Variants in PHTF2 observed in about 807,000 individuals in gnomAD.
The protein encoded by PHTF2 is protein PHTF2.
A neutral mutation model predicts 101.2 loss-of-function variants in PHTF2; 60 were observed. The ratio of observed to expected loss-of-function variants is 0.59; its 90% CI spans 0.48 to 0.73. PHTF2 has a LOEUF of 0.73. Among genes scored for constraint, PHTF2 ranks in the 30% least tolerant of loss-of-function variants. The probability of loss-of-function intolerance (pLI) is 0.00; values close to 1 mark genes in which losing one functional copy is unlikely to be tolerated. For missense variants in PHTF2, 747 were observed against 908.7 expected, an observed-to-expected ratio of 0.82 and a Z score of 2.29; for synonymous variants, 311 against 307.3, an observed-to-expected ratio of 1.01 and a Z score of -0.13.
intron 1 of PHTF2, among the ~76,000 whole-genome samples, chr7:77,805,075 A>T (rs2150467386): frequency 6.6e-6 from 1 of 152,336 alleles, no homozygotes; most frequent in South Asian, 2.1e-4. Flanking sequence ...GGAGGATTTT[A>T]ACTGCAAATT....
chr7:77,807,316 A>G (rs529335187), intron 1 of PHTF2, among the ~76,000 whole-genome samples: 2 of 151,974 alleles, frequency 1.3e-5, no homozygotes, highest in South Asian at 2.1e-4. Context: ...TTACAGTTGC[A>G]CCAACAGTGC....
At chr7:77,814,748 G>A (rs1793721162) in intron 1 of PHTF2, among the ~76,000 whole-genome samples, 1 of 151,938 alleles carries the variant, frequency 6.6e-6, no homozygotes, top group Non-Finnish European at 1.5e-5. Flanking sequence ...CTGACCTCGT[G>A]AGCCACCGCG....
intron 3 of PHTF2, among the ~76,000 whole-genome samples, chr7:77,879,846 C>T (rs1799261710): frequency 6.6e-6 from 1 of 152,144 alleles, no homozygotes; most frequent in Non-Finnish European, 1.5e-5. Flanking sequence ...ATAACTTGCC[C>T]TCTTCTACTC....
intron 3 of PHTF2, among the ~76,000 whole-genome samples, chr7:77,878,027 A>G (rs557342640): frequency 2.7e-4 from 41 of 152,248 alleles, no homozygotes; most frequent in African/African-American, 8.4e-4. Context: ...TCAGTACTTT[A>G]TGCTTAGTGA....
chr7:77,803,508 T>A (rs144121396), intron 1 of PHTF2, among the ~76,000 whole-genome samples: 2 of 152,194 alleles, frequency 1.3e-5, no homozygotes, highest in Non-Finnish European at 2.9e-5. Flanking sequence ...TTGTGTGACA[T>A]TGGACTCATT....
chr7:77,826,752 A>G (rs1292488791), intron 1 of PHTF2, among the ~76,000 whole-genome samples: 1 of 152,226 alleles, frequency 6.6e-6, no homozygotes, highest in Non-Finnish European at 1.5e-5. Flanking sequence ...TGATGGAATA[A>G]TGGGTGTCAA....
At chr7:77,893,663 A>T (rs1205594001) in exon 4 of PHTF2, 1 of 1,290,990 alleles carries the variant, frequency 7.7e-7, no homozygotes, top group South Asian at 1.3e-5. Flanking sequence ...AGAGAAATCA[A>T]GGTAAGGAGT....
chr7:77,839,987 A>G (rs970676881), intron 1 of PHTF2: 4 of 317,622 alleles, frequency 1.3e-5, no homozygotes, highest in Admixed American at 4.9e-5. Flanking sequence ...TCTATTTTGT[A>G]AGAAAACAAG....
intron 12 of PHTF2, among the ~76,000 whole-genome samples, chr7:77,933,054 C>T (rs1015572078): frequency 6.6e-6 from 1 of 152,012 alleles, no homozygotes; most frequent in African/African-American, 2.4e-5. Flanking sequence ...CTGGCTAACA[C>T]GGTGAAACCC....
intron 5 of PHTF2, 104 bp downstream of exon 4, chr7:77,894,097 G>T: frequency 2.3e-6 from 2 of 879,380 alleles, no homozygotes; most frequent in South Asian, 1.4e-5. Flanking sequence ...ACTTGGACTC[G>T]AAAAGAGTCA....
intron 16 of PHTF2, among the ~76,000 whole-genome samples, chr7:77,948,289 G>A (rs1806257024): frequency 6.6e-6 from 1 of 152,088 alleles, no homozygotes; most frequent in African/African-American, 2.4e-5. Context: ...CCATATATAT[G>A]TAGAAACCTA....
chr7:77,861,949 C>A (rs1797678648), intron 3 of PHTF2, among the ~76,000 whole-genome samples: 1 of 151,740 alleles, frequency 6.6e-6, no homozygotes, highest in South Asian at 2.1e-4. Context: ...CCCAGCTATT[C>A]AGGAGGCTGA....
intron 1 of PHTF2, among the ~76,000 whole-genome samples, chr7:77,808,469 C>T (rs1275416233): frequency 6.6e-6 from 1 of 152,070 alleles, no homozygotes; most frequent in Non-Finnish European, 1.5e-5. Flanking sequence ...ATTTATATGC[C>T]TGCTAATTTT....
At chr7:77,854,734 A>C in exon 3 of PHTF2, 2 of 712,122 alleles carry the variant, frequency 2.8e-6, no homozygotes, top group Non-Finnish European at 5.1e-6. Flanking sequence ...CTCATGTAGG[A>C]GTTTCTCTCT....
intron 2 of PHTF2, among the ~76,000 whole-genome samples, chr7:77,847,241 A>G (rs1214337735): frequency 6.6e-6 from 1 of 152,172 alleles, no homozygotes; most frequent in Non-Finnish European, 1.5e-5. Context: ...TTGGCTGGTT[A>G]TAGTAGTAGA....
At chr7:77,846,274 C>A (rs1002083895) in intron 2 of PHTF2, among the ~76,000 whole-genome samples, 1 of 152,170 alleles carries the variant, frequency 6.6e-6, no homozygotes, top group Admixed American at 6.5e-5. Flanking sequence ...TCATGGCATT[C>A]TGTTTCCCTT....
chr7:77,877,085 A>T (rs905936724), intron 3 of PHTF2, among the ~76,000 whole-genome samples: 1 of 151,386 alleles, frequency 6.6e-6, no homozygotes, highest in Non-Finnish European at 1.5e-5. Flanking sequence ...TCCCATGATT[A>T]ATGGAAGTCA....
chr7:77,851,254 G>A (rs10248871), intron 2 of PHTF2, among the ~76,000 whole-genome samples: 88,677 of 151,936 alleles, frequency 0.58, 28,163 homozygotes, highest in African/African-American at 0.85. Context: ...CTTTGCTGGG[G>A]GACTTTTTAT....
chr7:77,849,645 T>C (rs1484576984), intron 2 of PHTF2, among the ~76,000 whole-genome samples: 1 of 152,248 alleles, frequency 6.6e-6, no homozygotes, highest in Non-Finnish European at 1.5e-5. Context: ...TGTAGATTGC[T>C]TTGGGTAGTA....
Sources: gnomAD v4.1 joint callset for allele counts (sites outside exome capture counted in the v4.1 genomes callset) on GRCh38, gnomAD v4.1.1 for gene constraint, MANE v1.5 for transcripts, NCBI Gene and HGNC (gene_info 2026-07-23, HGNC 2026-07-21) for gene names.